CELF2: variants seen among roughly 807,000 people sequenced by gnomAD.
CELF2 encodes the protein CUG triplet repeat RNA-binding protein 2.
Under a neutral mutation model 62.6 loss-of-function variants are expected in CELF2, and 8 were observed. That is an observed-to-expected ratio of 0.13 (90% confidence interval 0.07 to 0.23). The LOEUF (loss-of-function observed/expected upper bound fraction) is 0.23. Among genes scored for constraint, CELF2 ranks in the 10% least tolerant of loss-of-function variants. CELF2 has a pLI of 1.00. For missense variants in CELF2, 333 were observed against 671.0 expected (o/e 0.50, Z 5.56); for synonymous variants, 258 against 250.0 (o/e 1.03, Z -0.30).
In CELF2 at chr10:11,329,787, A is replaced by C. The variant is rs2095947679; in HGVS notation, c.*734A>C. 6.6e-6 allele frequency: 1 copy of C among 152,190 alleles called. No homozygotes were observed. Among genetic ancestry groups the C allele is most frequent in the South Asian group, 2.1e-4 (1 of 4,832 alleles). 9.4% of individuals were successfully genotyped at this position (152,190 alleles called of 1,614,324 possible). ...TTAAAGCTACAGGGTTTAAAAAATA[A>C]AAATGAGTGAAAATACTTGATGTTT... is the stretch of plus-strand genomic sequence containing the variant. On this transcript the variant is annotated 3_prime_UTR_variant, in exon 13 of 13. Coordinates refer to ENST00000633077, the MANE Select transcript of CELF2 (RefSeq NM_001326342.2). The surrounding 1 kb of genome is among the most constrained non-coding windows in gnomAD (Gnocchi z 5.5).
chr10:11,253,777 A>C (rs941988839), intron 4 of CELF2, among the ~76,000 whole-genome samples: 2 of 152,142 alleles, frequency 1.3e-5, no homozygotes, highest in African/African-American at 4.8e-5. Context: ...GCTGGTGTGG[A>C]ACCCCTTTTG....
intron 2 of CELF2, among the ~76,000 whole-genome samples, chr10:10,992,132 A>G (rs1488933042): frequency 6.6e-6 from 1 of 152,246 alleles, no homozygotes; most frequent in Non-Finnish European, 1.5e-5. Context: ...AAGGCCACAT[A>G]CAAATTATTC....
intron 1 of CELF2, among the ~76,000 whole-genome samples, chr10:11,122,458 A>G (rs927083145): frequency 1.3e-5 from 2 of 152,226 alleles, no homozygotes; most frequent in Non-Finnish European, 2.9e-5. Context: ...CCTAGTGGTA[A>G]AATCAGTTGA....
At chr10:10,691,674 T>G in the CELF2 span, among the ~76,000 whole-genome samples, 1 of 148,736 alleles carries the variant, frequency 6.7e-6, no homozygotes, top group Non-Finnish European at 1.5e-5. Flanking sequence ...ACCTGTTGTT[T>G]CCTGACTTTT....
At chr10:10,830,851 C>T (rs1036016648) in intron 1 of CELF2, among the ~76,000 whole-genome samples, 14 of 152,206 alleles carry the variant, frequency 9.2e-5, no homozygotes, top group African/African-American at 3.4e-4. Context: ...TATTACAAAA[C>T]TGTGTTTTTA....
At chr10:11,038,879 G>T (rs1243323838) in intron 1 of CELF2, among the ~76,000 whole-genome samples, 1 of 152,054 alleles carries the variant, frequency 6.6e-6, no homozygotes, top group African/African-American at 2.4e-5. Flanking sequence ...AAACCCTTCT[G>T]GCATCAGTGA....
At chr10:10,503,909 T>C in the CELF2 span, among the ~76,000 whole-genome samples, 3 of 152,018 alleles carry the variant, frequency 2.0e-5, no homozygotes, top group Non-Finnish European at 4.4e-5. Context: ...ATAGCATTTA[T>C]AGTAGTCACT....
intron 2 of CELF2, among the ~76,000 whole-genome samples, chr10:10,922,427 A>T (rs1361347811): frequency 1.3e-5 from 2 of 152,204 alleles, no homozygotes; most frequent in East Asian, 1.9e-4. Flanking sequence ...ACTTTTGTAG[A>T]GCAGCTAAGA....
In CELF2 at chr10:11,160,753, G is replaced by A. The variant is rs75842574; in HGVS notation, c.75-4733G>A. Among the ~76,000 whole-genome samples, 28 of 151,544 alleles carry A rather than the reference G, an allele frequency of 1.8e-4. No homozygotes were observed. The East Asian group carries it at 4.5e-3, about 24-fold the overall frequency. On this transcript the variant is annotated intron_variant, in intron 1 of 12. Coordinates refer to ENST00000633077, the MANE Select transcript of CELF2 (RefSeq NM_001326342.2). ...TTTCTAAGACAAGGCTTTTTTGTGTGTGCTTTTTTATTTAGTTTGCATTCT... is the reference window on the plus strand; with the variant it reads ...TTTCTAAGACAAGGCTTTTTTGTGTATGCTTTTTTATTTAGTTTGCATTCT...
chr10:10,982,059 G>T (rs1358185155), intron 2 of CELF2, among the ~76,000 whole-genome samples: 1 of 149,914 alleles, frequency 6.7e-6, no homozygotes, highest in Non-Finnish European at 1.5e-5. Flanking sequence ...AAGTTCAAGC[G>T]ATTCTCCTGC....
chr10:11,154,745 A>G (rs2063979692), intron 1 of CELF2, among the ~76,000 whole-genome samples: 1 of 152,226 alleles, frequency 6.6e-6, no homozygotes, highest in Non-Finnish European at 1.5e-5. Flanking sequence ...GATGCGCTGA[A>G]GAGAAAGAAC....
At chr10:10,662,972 T>C in the CELF2 span, among the ~76,000 whole-genome samples, 3 of 152,186 alleles carry the variant, frequency 2.0e-5, no homozygotes, top group East Asian at 1.9e-4. Context: ...TTCTGAAGGG[T>C]CTTATTCACA....
the CELF2 span, among the ~76,000 whole-genome samples, chr10:10,653,304 T>A: frequency 6.6e-6 from 1 of 150,720 alleles, no homozygotes; most frequent in Non-Finnish European, 1.5e-5. Context: ...ATTAGACAGA[T>A]CAACGAGACA....
At chr10:10,975,328 G>T (rs1462956806) in intron 2 of CELF2, among the ~76,000 whole-genome samples, 1 of 152,094 alleles carries the variant, frequency 6.6e-6, no homozygotes, top group African/African-American at 2.4e-5. Context: ...GTGTTGCAAA[G>T]GCTGGTGTCA....
intron 1 of CELF2, among the ~76,000 whole-genome samples, chr10:10,857,656 T>TAC (rs1396521675): frequency 1.7e-5 from 2 of 118,200 alleles, no homozygotes; most frequent in African/African-American, 6.1e-5. Flanking sequence ...ATAGTATATA[T>TAC]ATATATATAT....
the CELF2 span, among the ~76,000 whole-genome samples, chr10:10,478,256 C>G: frequency 6.6e-6 from 1 of 152,148 alleles, no homozygotes; most frequent in East Asian, 1.9e-4. Context: ...GAGTTTCCAC[C>G]CACTGAAGGC....
chr10:11,027,302 C>G (rs1348461187), intron 1 of CELF2, among the ~76,000 whole-genome samples: 1 of 152,178 alleles, frequency 6.6e-6, no homozygotes, highest in Non-Finnish European at 1.5e-5. Flanking sequence ...CTCGTTCCCC[C>G]TTTTCTTTTA....
the CELF2 span, among the ~76,000 whole-genome samples, chr10:10,551,443 G>C: frequency 6.6e-6 from 1 of 152,154 alleles, no homozygotes; most frequent in African/African-American, 2.4e-5. Flanking sequence ...TGGCCCGGCA[G>C]CTGGGGAGTT....
the CELF2 span, among the ~76,000 whole-genome samples, chr10:10,520,756 T>C: frequency 6.6e-6 from 1 of 151,726 alleles, no homozygotes; most frequent in African/African-American, 2.4e-5. Flanking sequence ...CGCTAATTAG[T>C]AGGGAGGGAA....
Sources: gnomAD v4.1 joint callset for allele counts (sites outside exome capture counted in the v4.1 genomes callset) on GRCh38, gnomAD v4.1.1 for gene constraint, Gnocchi (gnomAD v3.1) non-coding constraint, MANE v1.5 for transcripts, NCBI Gene and HGNC (gene_info 2026-07-23, HGNC 2026-07-21) for gene names.